Variants in ZNF142 observed in about 807,000 individuals in gnomAD.
The protein encoded by ZNF142 is zinc finger protein 142, also known as zinc finger protein 142 (clone pHZ-49).
A neutral mutation model predicts 132.1 loss-of-function variants in ZNF142; 96 were observed. The ratio of observed to expected loss-of-function variants is 0.73; its 90% CI spans 0.62 to 0.86. The LOEUF (loss-of-function observed/expected upper bound fraction) is 0.86. ZNF142 is among the 40% of genes least tolerant of loss of function. ZNF142 has a pLI of 0.00. For synonymous variants in ZNF142, 842 were observed against 890.1 expected (o/e 0.95, Z 0.96); for missense variants, 2,163 against 2,336.2 (o/e 0.93, Z 1.53).
In ZNF142 at chr2:218,646,335, G is replaced by C. The variant is rs764488031; in HGVS notation, c.1887C>G (p.His629Gln). Residue 629 changes from histidine to glutamine, a missense_variant, in exon 8 of 11, where the codon CAC (histidine) becomes CAG (glutamine). Coordinates refer to ENST00000411696, the MANE Select transcript of ZNF142 (RefSeq NM_001379659.1). ...HMLLHTGEKP[H>Q]KCELCDFTCR... ...ATGTGAAGTCACACAGCTCACACTT[G>C]TGGGGCTTCTCACCTTATATGGGGG... 2.5e-6 allele frequency: 4 copies of C among 1,614,178 alleles called. No individual in the cohort carries two copies. Among genetic ancestry groups the C allele is most frequent in the Non-Finnish European group, 3.4e-6 (4 of 1,180,020 alleles).
rs1575041505 is a variant in ZNF142 at position 218,633,855 on chromosome 2, T to G, written c.*4484A>C. 6.9e-7 allele frequency: 1 copy of G among 1,451,654 alleles called. No individual in the cohort carries two copies. The allele number at this position is 1,451,654 out of a possible 1,614,324, so 89.9% of individuals were successfully genotyped here. The stretch of plus-strand genomic sequence containing the variant: ...GTAAGTCCCAAGAAAAAAGACAAGG[T>G]AGCTAAGGAGAGATGAAGGAGTTCA... On this transcript the variant is annotated 3_prime_UTR_variant, in exon 11 of 11. Transcript: ENST00000411696.
At position 218,633,415 on chromosome 2, in the gene ZNF142, T is replaced by C. The variant is rs780572802; in HGVS notation, c.*4924A>G. The C allele has an allele frequency of 1.4e-6, 1 of 737,998 alleles. No individual in the cohort carries two copies. Among genetic ancestry groups the C allele is most frequent in the South Asian group, 1.5e-5 (1 of 68,250 alleles). The allele number at this position is 737,998 out of a possible 1,614,324, so 45.7% of individuals were successfully genotyped here. Reference sequence around the variant, plus strand: ...TGACGTGCCCGCTGTTTTGTCCGTCTATCTGTTGTCAGATTGTGGCCCAGG... The same window carrying C: ...TGACGTGCCCGCTGTTTTGTCCGTCCATCTGTTGTCAGATTGTGGCCCAGG... On this transcript the variant is annotated 3_prime_UTR_variant, in exon 11 of 11. Coordinates refer to ENST00000411696, the MANE Select transcript of ZNF142 (RefSeq NM_001379659.1).
rs1289861577 is a variant in ZNF142, at chr2:218,646,196, T to C, written c.2026A>G (p.Met676Val). 5 of 1,613,916 alleles carry C rather than the reference T, an allele frequency of 3.1e-6. No homozygotes were observed. Among genetic ancestry groups the C allele is most frequent in the African/African-American group, 1.3e-5 (1 of 74,936 alleles). ...CTGAGGTCCCCTGCATGTTTTCGCA[T>C]GTGCACACGGAGGTAGTGCTTCCAC... ...TKWKHYLRVH[M>V]RKHAGDLRYQ... Residue 676 changes from methionine (M) to valine (V), a missense_variant, in exon 8 of 11, where the codon ATG (methionine) becomes GTG (valine). Met to Val is a conservative substitution (Grantham distance 21). This residue lies in a region of ZNF142 where 749 missense variants were observed against 830.3 expected (regional missense o/e 0.90). Coordinates refer to ENST00000411696, the MANE Select transcript of ZNF142 (RefSeq NM_001379659.1).
chr2:218,645,003 G>GCTTGTGGCT lies in ZNF142; in HGVS notation c.2104_2112dup (p.Ser702_Lys704dup). 1 of 1,614,016 alleles carries GCTTGTGGCT rather than the reference G, an allele frequency of 6.2e-7. No individual in the cohort carries two copies. The highest frequency in any genetic ancestry group is 8.5e-7 in the Non-Finnish European group (1 of 1,179,948). ...ATCAGAGACTTGCCCTGATGCCGCA[G>GCTTGTGGCT]CTTGTGGCTGCTCAGCTGATCAGCC... On this transcript the variant is annotated inframe_insertion, in exon 9 of 11. Transcript: ENST00000411696.
chr2:218,649,786 G>C (rs142049753), intron 6 of ZNF142, among the ~76,000 whole-genome samples: 93 of 152,242 alleles, frequency 6.1e-4, no homozygotes, highest in African/African-American at 1.9e-3. Context: ...TGTTCTATGG[G>C]GGCAGGCAGA....
In ZNF142 at chr2:218,643,493, C is replaced by A. The variant is rs200162897; in HGVS notation, c.3623G>T (p.Gly1208Val). 4.0e-5 allele frequency: 64 copies of A among 1,614,056 alleles called. No individual in the cohort carries two copies. In the Admixed American group the frequency reaches 1.0e-3, roughly 26 times the overall value. The change falls in exon 9 of 11, where the codon GGA (glycine) becomes GTA (valine). Residue 1208 changes from glycine (G) to valine (V), a missense_variant. Transcript: ENST00000411696. ...KHHLDPVPPA[G>V]NSSPTEALKK... ...CAGGGCCTCTGTGGGTGAGGAGTTT[C>A]CTGCAGGAGGGACTGGGTCAAGGTG... is the stretch of plus-strand genomic sequence containing the variant.
rs1237320200 is a variant in ZNF142 at position 218,648,643 on chromosome 2, A to C, written c.1865T>G (p.Leu622Arg). Residue 622 changes from leucine (L) to arginine (R), a missense_variant, in exon 7 of 11, where the codon CTA (leucine) becomes CGA (arginine). Around this residue, in one of 7 missense-constraint regions of ZNF142, gnomAD observed 749 missense variants for 830.3 expected, o/e 0.90. Coordinates refer to ENST00000411696, the MANE Select transcript of ZNF142 (RefSeq NM_001379659.1). ...GATGGAAACCATCCTACCCGTATGTAGAAGCATGTGTCGGATGAGCACCCT... is the reference window on the plus strand; with the variant it reads ...GATGGAAACCATCCTACCCGTATGTCGAAGCATGTGTCGGATGAGCACCCT... ...HKRVLIRHML[L>R]HTGEKPHKCE... 6.2e-7 allele frequency: 1 copy of C among 1,612,660 alleles called. No homozygotes were observed. The highest frequency in any genetic ancestry group is 2.2e-5 in the East Asian group (1 of 44,852).
At chr2:218,656,089 T>C (rs1041441098) in intron 4 of ZNF142, 61 bp downstream of exon 4, 2 of 1,439,796 alleles carry the variant, frequency 1.4e-6, no homozygotes, top group Non-Finnish European at 1.8e-6. Flanking sequence ...GAATCAAAAA[T>C]AACCCAGACA....
chr2:218,653,532 G>C (rs941679002), intron 4 of ZNF142, among the ~76,000 whole-genome samples: 1 of 151,394 alleles, frequency 6.6e-6, no homozygotes. Context: ...CCAAGATCAC[G>C]CCATTGCACT....
rs1297461469 is a variant in ZNF142 at position 218,639,729 on chromosome 2, C to T, written c.5195-921G>A. 4.2e-5 allele frequency among the ~76,000 whole-genome samples: 3 copies of T among 71,372 alleles called. No homozygotes were observed. In the Admixed American group the frequency reaches 7.0e-4, roughly 17 times the overall value. The allele number at this position is 71,372 out of a possible 152,430, so 46.8% of individuals were successfully genotyped here. A position where few individuals can be genotyped will look rare whatever the true frequency, so the allele number is the denominator to read the frequency against. ...CATGGGCAGCAGAGCAAGACCCTGT[C>T]ACTGAAAAAAAAAAAAAAAAAAAGT... On this transcript the variant is annotated intron_variant, in intron 10 of 10. Coordinates refer to ENST00000411696, the MANE Select transcript of ZNF142 (RefSeq NM_001379659.1).
At chr2:218,658,547 AAAAAC>A (rs1231856292) in intron 3 of ZNF142, among the ~76,000 whole-genome samples, 149 bp downstream of exon 3, 1 of 151,988 alleles carries the variant, frequency 6.6e-6, no homozygotes, top group African/African-American at 2.4e-5. Flanking sequence ...GTCTCAAAAA[AAAAAC>A]AAACAAAAAC....
intron 10 of ZNF142, among the ~76,000 whole-genome samples, chr2:218,640,006 G>A (rs1697040835): frequency 7.6e-6 from 1 of 131,426 alleles, no homozygotes; most frequent in South Asian, 2.6e-4. Flanking sequence ...AACTTGCAGT[G>A]AGCTTAGATT....
At position 218,649,255 on chromosome 2, in the gene ZNF142, G is replaced by A. The variant is rs1575075822; in HGVS notation, c.1253C>T (p.Ala418Val). The A allele has an allele frequency of 6.2e-7, 1 of 1,614,262 alleles. No homozygotes were observed. Among genetic ancestry groups the A allele is most frequent in the Middle Eastern group, 1.6e-4 (1 of 6,062 alleles). Residue 418 changes from alanine (A) to valine (V), a missense_variant, in exon 7 of 11, where the codon GCC (alanine) becomes GTC (valine). Physicochemically the swap from Ala to Val is moderately conservative, Grantham distance 64. Around this residue, in one of 7 missense-constraint regions of ZNF142, gnomAD observed 749 missense variants for 830.3 expected, o/e 0.90. Transcript: ENST00000411696. ...GTAGTGGCACAGTGGGCAGTGGTGGGCCTTTTCACCCAGCTCCCGCAGCAG... is the reference window on the plus strand; with the variant it reads ...GTAGTGGCACAGTGGGCAGTGGTGGACCTTTTCACCCAGCTCCCGCAGCAG... ...THLLRELGEK[A>V]HHCPLCHYSA...
Position 218,651,868 on chromosome 2 carries a change from T to C in ZNF142, c.713A>G (p.Gln238Arg). Residue 238 changes from glutamine (Q) to arginine (R), a missense_variant, in exon 5 of 11, where the codon CAG becomes CGG. Around this residue, in one of 7 missense-constraint regions of ZNF142, gnomAD observed 63 missense variants for 104.1 expected, o/e 0.61. Transcript: ENST00000411696. The stretch of plus-strand genomic sequence containing the variant: ...CGCCTGCCGGTGCAGCTCCATGCCC[T>C]GCTGGCTCCCGAAAAGCAGGGGGCA... ...RGCPLLFGSQ[Q>R]GMELHRQAHY... is the part of the protein sequence containing the mutation. 6.2e-6 allele frequency: 8 copies of C among 1,289,904 alleles called. No homozygotes were observed. The highest frequency in any genetic ancestry group is 8.1e-6 in the Non-Finnish European group (8 of 988,886). 79.9% of individuals were successfully genotyped at this position (1,289,904 alleles called of 1,614,324 possible).
In ZNF142 at chr2:218,650,535, A is replaced by G; in HGVS notation, c.881-9T>C. ...TGGAGGCAGTTTGGGAGCTGGAGAT[A>G]CATAAAACTTGATAAAGTCTACAGG... is the stretch of plus-strand genomic sequence containing the variant. On this transcript the variant is annotated splice_polypyrimidine_tract_variant and intron_variant, in intron 5 of 10. Coordinates refer to ENST00000411696, the MANE Select transcript of ZNF142 (RefSeq NM_001379659.1). The G allele has an allele frequency of 6.4e-7, 1 of 1,557,964 alleles. No individual in the cohort carries two copies. Among genetic ancestry groups the G allele is most frequent in the South Asian group, 1.2e-5 (1 of 81,894 alleles).
In ZNF142 at chr2:218,644,797, G is replaced by T; in HGVS notation, c.2319C>A (p.Phe773Leu). The T allele has an allele frequency of 6.2e-7, 1 of 1,614,226 alleles. No individual in the cohort carries two copies. Among genetic ancestry groups the T allele is most frequent in the Non-Finnish European group, 8.5e-7 (1 of 1,180,044 alleles). ...TGCGGTAGTCACAGAGGGCACAGTG[G>T]AACTCACGGAGGCGGGTATGCTTGC... Reference protein sequence around the residue: ...ENCKHTRLREFHCALCDYRTF... With the variant: ...ENCKHTRLRELHCALCDYRTF... Residue 773 changes from phenylalanine to leucine, a missense_variant, in exon 9 of 11, where the codon TTC becomes TTA. Phe to Leu is a conservative substitution (Grantham distance 22). Around this residue, in one of 7 missense-constraint regions of ZNF142, gnomAD observed 749 missense variants for 830.3 expected, o/e 0.90. Transcript: ENST00000411696. The surrounding 1 kb of genome is among the most constrained non-coding windows in gnomAD (Gnocchi z 4.6).
At position 218,643,917 on chromosome 2, in the gene ZNF142, G is replaced by C. The variant is rs770060242; in HGVS notation, c.3199C>G (p.Leu1067Val). Residue 1067 changes from leucine to valine, a missense_variant, in exon 9 of 11, where the codon CTG becomes GTG. Transcript: ENST00000411696. ...TGCQGRREPL[L>V]CPECGASFKQ... ...AAGCTAGCCCCACACTCGGGGCACA[G>C]CAGGGGCTCTCGGCGGCCTTGGCAC... 1.9e-5 allele frequency: 31 copies of C among 1,614,182 alleles called. No individual in the cohort carries two copies. In the East Asian group the frequency reaches 6.7e-4, roughly 35 times the overall value.
rs757596506 is a variant in ZNF142, at chr2:218,638,730, C to T, written c.5273G>A (p.Arg1758Gln). The change falls in exon 11 of 11, where the codon CGG (arginine) becomes CAG (glutamine). Residue 1758 changes from arginine to glutamine, a missense_variant. Coordinates refer to ENST00000411696, the MANE Select transcript of ZNF142 (RefSeq NM_001379659.1). ...CATGAAAGCCCGTGCTTCTCGATGC[C>T]GGGTCTCCTGGTGCACACGCAGTGC... ...ADALRVHQET[R>Q]HREARAFMCE... The T allele has an allele frequency of 3.0e-5, 49 of 1,613,346 alleles. No homozygotes were observed. In the South Asian group the frequency reaches 4.2e-4, roughly 14 times the overall value.
Position 218,636,193 on chromosome 2 carries a change from CAAG to C in ZNF142, c.*2143_*2145del. ...GAGAACACAAGAAAAGCAACCCAGT[CAAG>C]AAAACTGTCATAATGTCTTCTTATT... On this transcript the variant is annotated 3_prime_UTR_variant, in exon 11 of 11. Coordinates refer to ENST00000411696, the MANE Select transcript of ZNF142 (RefSeq NM_001379659.1). 6.4e-7 allele frequency: 1 copy of C among 1,574,054 alleles called. No individual in the cohort carries two copies. The highest frequency in any genetic ancestry group is 1.1e-5 in the South Asian group (1 of 89,748).
Sources: gnomAD v4.1 joint callset for allele counts (sites outside exome capture counted in the v4.1 genomes callset) on GRCh38, gnomAD v4.1.1 for gene constraint, gnomAD v4.1.1 regional missense constraint, Gnocchi (gnomAD v3.1) non-coding constraint, MANE v1.5 for transcripts, NCBI Gene and HGNC (gene_info 2026-07-23, HGNC 2026-07-21) for gene names.